SPEF2: variants seen among roughly 807,000 people sequenced by gnomAD.
The protein encoded by SPEF2 is sperm flagellar and cilia associated 2.
SPEF2 carries 187 observed loss-of-function variants against 224.6 expected under a neutral mutation model. The ratio of observed to expected loss-of-function variants is 0.83; its 90% CI spans 0.74 to 0.94. The LOEUF is 0.94. SPEF2 is among the 40% of genes least tolerant of loss of function. The pLI, the probability that SPEF2 is intolerant of heterozygous loss-of-function variation, is 0.00. For synonymous variants in SPEF2, 715 were observed against 707.3 expected (o/e 1.01, Z -0.17); for missense variants, 2,170 against 2,135.6 (o/e 1.02, Z -0.32).
At chr5:35,708,711 CCA>C (rs1580382081) in intron 18 of SPEF2, among the ~76,000 whole-genome samples, 3 of 146,264 alleles carry the variant, frequency 2.1e-5, no homozygotes, top group Admixed American at 6.8e-5. Context: ...CCACCACTAC[CCA>C]TCAACATTAC....
chr5:35,725,721 T>G (rs973903977), intron 20 of SPEF2, among the ~76,000 whole-genome samples: 4 of 152,202 alleles, frequency 2.6e-5, no homozygotes, highest in African/African-American at 7.2e-5. Flanking sequence ...TTGTCTTTGA[T>G]TATTTCTTTA....
At chr5:35,657,619 G>A (rs1326248726) in intron 7 of SPEF2, among the ~76,000 whole-genome samples, 3 of 152,152 alleles carry the variant, frequency 2.0e-5, no homozygotes, top group African/African-American at 7.2e-5. Context: ...GTGGATTATT[G>A]TAGGATCATC....
At position 35,624,850 on chromosome 5, in the gene SPEF2, T is replaced by C. The variant is rs534493398; in HGVS notation, c.59-3610T>C. Among the ~76,000 whole-genome samples, 503 of 152,304 alleles carry C rather than the reference T, an allele frequency of 3.3e-3. 5 individuals carry two copies. The highest frequency in any genetic ancestry group is 2.9e-3 in the Non-Finnish European group (195 of 68,026). On this transcript the variant is annotated intron_variant, in intron 1 of 36. Coordinates refer to ENST00000356031, the MANE Select transcript of SPEF2 (RefSeq NM_024867.4). ...CAGGGTTTCATCATATTGGCTAGGCTGGTCTCGAACTCCTGACCTCGTGAT... is the reference window on the plus strand; with the variant it reads ...CAGGGTTTCATCATATTGGCTAGGCCGGTCTCGAACTCCTGACCTCGTGAT...
intron 20 of SPEF2, among the ~76,000 whole-genome samples, chr5:35,722,427 T>C (rs1459954278): frequency 6.6e-6 from 1 of 151,642 alleles, no homozygotes; most frequent in East Asian, 1.9e-4. Flanking sequence ...AGTCCAAGGA[T>C]GAAAAGTCTT....
At chr5:35,711,321 ATTG>A (rs991044783) in intron 19 of SPEF2, among the ~76,000 whole-genome samples, 12 of 148,850 alleles carry the variant, frequency 8.1e-5, no homozygotes, top group South Asian at 2.2e-4. Context: ...TTGTTAAAAA[ATTG>A]TTATTTTGTT....
At chr5:35,752,645 A>G (rs996350119) in intron 23 of SPEF2, among the ~76,000 whole-genome samples, 1 of 70 alleles carries the variant, frequency 0.014, no homozygotes, top group Non-Finnish European at 0.031. Context: ...ATTTGACTGT[A>G]TATGTTTCAT....
In SPEF2 at chr5:35,771,680, A is replaced by C. The variant is rs781385388; in HGVS notation, c.3873A>C (p.Lys1291Asn). 6.2e-6 allele frequency: 10 copies of C among 1,611,850 alleles called. No homozygotes were observed. Among genetic ancestry groups the C allele is most frequent in the Non-Finnish European group, 7.6e-6 (9 of 1,179,350 alleles). ...ACCAGCCAGCAGACCCCAAAGAAAAATCTCCTCAGATGGGTGCAAATAAAA... is the reference window on the plus strand; with the variant it reads ...ACCAGCCAGCAGACCCCAAAGAAAACTCTCCTCAGATGGGTGCAAATAAAA... Reference protein sequence around the residue: ...KENQPADPKEKSPQMGANKKV... With the variant: ...KENQPADPKENSPQMGANKKV... Residue 1291 changes from lysine (K) to asparagine (N), a missense_variant, in exon 27 of 37, where the codon AAA becomes AAC. Lys to Asn is a moderately conservative substitution (Grantham distance 94, BLOSUM62 0). Coordinates refer to ENST00000356031, the MANE Select transcript of SPEF2 (RefSeq NM_024867.4).
Position 35,779,181 on chromosome 5 carries a change from CTTTA to C in SPEF2, c.4287_4290del (p.Tyr1429Ter). The C allele has an allele frequency of 6.2e-7, 1 of 1,613,788 alleles. No individual in the cohort carries two copies. The highest frequency in any genetic ancestry group is 8.5e-7 in the Non-Finnish European group (1 of 1,179,858). ...AACATCTACAAAAATTCAGAATGAA[CTTTA>C]TTTAAGCCAAGAAGACTTCTTCATT... On this transcript the variant is annotated frameshift_variant, in exon 30 of 37. Coordinates refer to ENST00000356031, the MANE Select transcript of SPEF2 (RefSeq NM_024867.4). LOFTEE classifies it high-confidence loss of function.
intron 23 of SPEF2, 136 bp downstream of exon 23, chr5:35,740,403 A>T (rs1249625739): frequency 8.7e-6 from 10 of 1,144,274 alleles, no homozygotes; most frequent in Non-Finnish European, 1.2e-5. Context: ...TTAACCAGGT[A>T]ACTTTCAAGA....
At chr5:35,714,375 T>C (rs1742069991) in intron 20 of SPEF2, among the ~76,000 whole-genome samples, 1 of 151,762 alleles carries the variant, frequency 6.6e-6, no homozygotes, top group Non-Finnish European at 1.5e-5. Context: ...ATGTCATGCA[T>C]ACACCCTCAA....
intron 20 of SPEF2, among the ~76,000 whole-genome samples, chr5:35,722,218 G>A (rs999831041): frequency 1.3e-5 from 2 of 152,172 alleles, no homozygotes; most frequent in Admixed American, 1.3e-4. Context: ...CTGGGGAAGG[G>A]GAAGGCTGTG....
chr5:35,804,774 C>G (rs1247933457), intron 34 of SPEF2, among the ~76,000 whole-genome samples: 1 of 152,124 alleles, frequency 6.6e-6, no homozygotes, highest in East Asian at 1.9e-4. Context: ...GTAAGTTTCT[C>G]CCCCTAATTA....
At chr5:35,707,208 T>A (rs1351889651) in intron 18 of SPEF2, among the ~76,000 whole-genome samples, 1 of 152,218 alleles carries the variant, frequency 6.6e-6, no homozygotes, top group Admixed American at 6.5e-5. Flanking sequence ...CACAATATAC[T>A]GTTAAGTAGG....
intron 29 of SPEF2, among the ~76,000 whole-genome samples, chr5:35,778,245 C>G (rs968206159): frequency 6.6e-6 from 1 of 152,168 alleles, no homozygotes; most frequent in Non-Finnish European, 1.5e-5. Flanking sequence ...CGATAATGCA[C>G]TTATTCATGT....
chr5:35,813,361 A>G (rs1383916457), intron 36 of SPEF2, among the ~76,000 whole-genome samples: 1 of 151,936 alleles, frequency 6.6e-6, no homozygotes, highest in African/African-American at 2.4e-5. Flanking sequence ...ACATGGTGAC[A>G]TGTGCCTGTA....
chr5:35,637,956 C>T (rs1746071649), intron 2 of SPEF2, among the ~76,000 whole-genome samples: 1 of 152,108 alleles, frequency 6.6e-6, no homozygotes, highest in Admixed American at 6.6e-5. Flanking sequence ...AACCAGATGT[C>T]CAATCCTTTT....
At chr5:35,641,055 T>C (rs1580082993) in intron 2 of SPEF2, among the ~76,000 whole-genome samples, 1 of 152,302 alleles carries the variant, frequency 6.6e-6, no homozygotes, top group Non-Finnish European at 1.5e-5. Flanking sequence ...TTTTCAAAGG[T>C]ATCTGTGATT....
At chr5:35,781,613 C>T (rs1307819186) in intron 30 of SPEF2, 1 of 152,070 alleles carries the variant, frequency 6.6e-6, no homozygotes, top group East Asian at 1.9e-4. Flanking sequence ...AGAATTAACC[C>T]ATATGCAAGA....
chr5:35,657,993 G>T (rs895422829), intron 7 of SPEF2, among the ~76,000 whole-genome samples: 2 of 152,136 alleles, frequency 1.3e-5, no homozygotes, highest in African/African-American at 4.8e-5. Flanking sequence ...ATTAAATAGT[G>T]GTTGTAGACC....
Sources: gnomAD v4.1 joint callset for allele counts (sites outside exome capture counted in the v4.1 genomes callset) on GRCh38, gnomAD v4.1.1 for gene constraint, MANE v1.5 for transcripts, NCBI Gene and HGNC (gene_info 2026-07-23, HGNC 2026-07-21) for gene names.